The following MAMDC2 variants were observed in gnomAD, a reference collection of about 807,000 sequenced individuals.
The protein encoded by MAMDC2 is MAM domain containing 2, also known as MAM domain-containing protein 2.
MAMDC2 carries 57 observed loss-of-function variants against 89.8 expected under a neutral mutation model. The observed-to-expected ratio is 0.63, with a 90% confidence interval of 0.51 to 0.79. The LOEUF is 0.79. MAMDC2 is among the 30% of genes least tolerant of loss of function. MAMDC2 has a pLI of 0.00. For missense variants in MAMDC2, 800 were observed against 820.6 expected (o/e 0.97, Z 0.31); for synonymous variants, 313 against 293.4 (o/e 1.07, Z -0.68).
At chr9:70,115,467 T>C (rs887654850) in intron 5 of MAMDC2, among the ~76,000 whole-genome samples, 9 of 152,232 alleles carry the variant, frequency 5.9e-5, no homozygotes, top group Admixed American at 2.0e-4. Flanking sequence ...CAATTCTCCC[T>C]GCCTCAGCCT....
At chr9:70,120,412 T>C (rs960023150) in intron 5 of MAMDC2, among the ~76,000 whole-genome samples, 16 of 152,266 alleles carry the variant, frequency 1.1e-4, no homozygotes, top group Admixed American at 1.0e-3. Context: ...CTTCCATGAG[T>C]GGTTCGCTTA....
rs930856985 is a variant in MAMDC2 at position 70,068,752 on chromosome 9, G to A, written c.148+24055G>A. ...AAAAAAAAAAAAAAAAAAGGCAATA[G>A]GGAACAGGAAACAAACATCTAAATT... is the stretch of plus-strand genomic sequence containing the variant. On this transcript the variant is annotated intron_variant, in intron 2 of 13. Transcript: ENST00000377182. 5.6e-5 allele frequency among the ~76,000 whole-genome samples: 8 copies of A among 143,256 alleles called. No individual in the cohort carries two copies. The East Asian group carries it at 1.2e-3, about 22-fold the overall frequency. The allele number at this position is 143,256 out of a possible 152,430, so 94.0% of individuals were successfully genotyped here. A position where few individuals can be genotyped will look rare whatever the true frequency, so the allele number is the denominator to read the frequency against.
chr9:70,184,944 A>G (rs1425690333), intron 11 of MAMDC2, among the ~76,000 whole-genome samples: 1 of 152,176 alleles, frequency 6.6e-6, no homozygotes, highest in African/African-American at 2.4e-5. Context: ...CTGATCATTT[A>G]GAGAAGAAGC....
intron 2 of MAMDC2, among the ~76,000 whole-genome samples, chr9:70,055,621 C>G (rs1423496265): frequency 6.6e-6 from 1 of 152,178 alleles, no homozygotes; most frequent in Non-Finnish European, 1.5e-5. Flanking sequence ...TAGGCCCCAC[C>G]TACAACTAGT....
At chr9:70,189,972 T>C (rs1237771821) in intron 11 of MAMDC2, among the ~76,000 whole-genome samples, 4 of 152,180 alleles carry the variant, frequency 2.6e-5, no homozygotes, top group Non-Finnish European at 5.9e-5. Flanking sequence ...TGATACTCTC[T>C]ATGCATTGAG....
At chr9:70,095,002 G>A (rs139101844) in intron 2 of MAMDC2, among the ~76,000 whole-genome samples, 6 of 152,264 alleles carry the variant, frequency 3.9e-5, no homozygotes, top group Non-Finnish European at 7.4e-5. Flanking sequence ...TATAGAGTGA[G>A]CTAAGAAGGA....
chr9:70,225,950 ATT>A lies in MAMDC2; in HGVS notation c.1997-16_1997-15del, dbSNP rs1358649314. The A allele has an allele frequency of 7.8e-6, 12 of 1,539,498 alleles. No homozygotes were observed. Among genetic ancestry groups the A allele is most frequent in the Non-Finnish European group, 1.1e-5 (12 of 1,124,858 alleles). On this transcript the variant is annotated splice_polypyrimidine_tract_variant and intron_variant, in intron 13 of 13. Coordinates refer to ENST00000377182, the MANE Select transcript of MAMDC2 (RefSeq NM_153267.5). ...TATAATAAAAATACTGTTATTGTAT[ATT>A]TGTCTTTCCTGACAGAAATGGAAGA... is the stretch of plus-strand genomic sequence containing the variant.
chr9:70,074,822 C>T (rs1827494849), intron 2 of MAMDC2, among the ~76,000 whole-genome samples: 1 of 152,192 alleles, frequency 6.6e-6, no homozygotes, highest in African/African-American at 2.4e-5. Context: ...TAACAGCACC[C>T]TTTTCCTACT....
In MAMDC2 at chr9:70,140,188, A is replaced by C. The variant is rs1410351275; in HGVS notation, c.1038A>C (p.Gln346His). The C allele has an allele frequency of 1.3e-6, 2 of 1,596,086 alleles. No individual in the cohort carries two copies. The highest frequency in any genetic ancestry group is 2.3e-5 in the East Asian group (1 of 44,166). ...SAVEASCNFE[Q>H]DLCNFYQDKE... ...TGGAAGCCAGCTGCAATTTTGAGCAAGATCTCTGCAACTTTTACCAAGATA... is the reference window on the plus strand; with the variant it reads ...TGGAAGCCAGCTGCAATTTTGAGCACGATCTCTGCAACTTTTACCAAGATA... Residue 346 changes from glutamine (Q) to histidine (H), a missense_variant, in exon 8 of 14, where the codon CAA becomes CAC. Gln to His is a conservative substitution (Grantham distance 24). Transcript: ENST00000377182.
chr9:70,189,572 T>A (rs2032834677), intron 11 of MAMDC2, among the ~76,000 whole-genome samples: 1 of 152,162 alleles, frequency 6.6e-6, no homozygotes, highest in East Asian at 1.9e-4. Flanking sequence ...CTCCTTGAAT[T>A]TTCCTAGTTG....
intron 12 of MAMDC2, among the ~76,000 whole-genome samples, chr9:70,219,637 A>G (rs923928596): frequency 1.3e-5 from 2 of 152,258 alleles, no homozygotes; most frequent in African/African-American, 4.8e-5. Context: ...TACATTGTTA[A>G]AGAGCAAATG....
intron 9 of MAMDC2, among the ~76,000 whole-genome samples, chr9:70,162,212 A>G (rs1054302441): frequency 6.6e-6 from 1 of 152,174 alleles, no homozygotes; most frequent in Non-Finnish European, 1.5e-5. Context: ...CAGTGAAAAA[A>G]TATTTAATAC....
chr9:70,217,617 G>C, intron 11 of MAMDC2: 1 of 1,611,004 alleles, frequency 6.2e-7, no homozygotes, highest in Non-Finnish European at 8.5e-7. Flanking sequence ...CTAAGCAAAA[G>C]ATTGTGAAGC....
At chr9:70,140,366 A>G in intron 8 of MAMDC2, 78 bp downstream of exon 8, 1 of 1,427,418 alleles carries the variant, frequency 7.0e-7, no homozygotes, top group Admixed American at 2.8e-5. Flanking sequence ...TCACACCTGC[A>G]AAGACATCGA....
At chr9:70,115,416 G>A (rs1481308175) in intron 5 of MAMDC2, among the ~76,000 whole-genome samples, 12 of 151,696 alleles carry the variant, frequency 7.9e-5, no homozygotes, top group Admixed American at 7.9e-4. Context: ...GTGCAGTGGT[G>A]CAATCTCAGC....
At chr9:70,174,663 C>A (rs192091221) in intron 11 of MAMDC2, among the ~76,000 whole-genome samples, 1 of 152,018 alleles carries the variant, frequency 6.6e-6, no homozygotes, top group Non-Finnish European at 1.5e-5. Context: ...TAGGAAATGA[C>A]CCAGAGAAAT....
chr9:70,161,845 C>T (rs1014986573), intron 9 of MAMDC2, among the ~76,000 whole-genome samples: 4 of 152,200 alleles, frequency 2.6e-5, no homozygotes, highest in African/African-American at 7.2e-5. Flanking sequence ...ATGCCACCAA[C>T]TCTGTAGTTG....
At chr9:70,048,545 C>G (rs928133659) in intron 2 of MAMDC2, among the ~76,000 whole-genome samples, 1 of 152,214 alleles carries the variant, frequency 6.6e-6, no homozygotes, top group African/African-American at 2.4e-5. Flanking sequence ...GTGATCCACC[C>G]GCTTCGACCT....
intron 3 of MAMDC2, 95 bp downstream of exon 3, chr9:70,108,577 T>C: frequency 2.8e-6 from 3 of 1,071,824 alleles, no homozygotes; most frequent in Non-Finnish European, 3.9e-6. Context: ...AGGTTAGTTA[T>C]CTCCTGGATT....
Sources: gnomAD v4.1 joint callset for allele counts (sites outside exome capture counted in the v4.1 genomes callset) on GRCh38, gnomAD v4.1.1 for gene constraint, MANE v1.5 for transcripts, NCBI Gene and HGNC (gene_info 2026-07-23, HGNC 2026-07-21) for gene names.